DNM3: variants seen among roughly 807,000 people sequenced by gnomAD.
DNM3 encodes the protein dynamin 3, also known as dynamin-3.
In DNM3, 47 loss-of-function variants were observed where a neutral mutation model predicts 101.6. That is an observed-to-expected ratio of 0.46 (90% CI 0.37 to 0.59). The LOEUF is 0.59. Ranked by LOEUF, DNM3 falls within the 20% of genes least tolerant of loss-of-function variation. The pLI is 0.00. For synonymous variants in DNM3, 385 were observed against 387.9 expected (o/e 0.99, Z 0.09); for missense variants, 849 against 1,085.7 (o/e 0.78, Z 3.06).
At chr1:172,368,204 C>T (rs1029444822) in intron 17 of DNM3, among the ~76,000 whole-genome samples, 1 of 151,810 alleles carries the variant, frequency 6.6e-6, no homozygotes, top group Non-Finnish European at 1.5e-5. Flanking sequence ...AACATGCCCC[C>T]GGATAGATCA....
At chr1:172,036,354 C>T (rs547413830) in intron 6 of DNM3, among the ~76,000 whole-genome samples, 16 of 151,904 alleles carry the variant, frequency 1.1e-4, no homozygotes, top group African/African-American at 3.9e-4. Context: ...TTTATGGCTG[C>T]ATAGTATTCC....
chr1:172,089,548 TTTG>T (rs1428101705), intron 12 of DNM3, among the ~76,000 whole-genome samples: 3 of 152,220 alleles, frequency 2.0e-5, no homozygotes, highest in South Asian at 2.1e-4. Flanking sequence ...GGCAGCTTTT[TTTG>T]TTGTTGTTGC....
chr1:172,025,492 C>T (rs1432937326), intron 4 of DNM3, among the ~76,000 whole-genome samples: 2 of 152,174 alleles, frequency 1.3e-5, no homozygotes, highest in South Asian at 2.1e-4. Flanking sequence ...CCCTGACCAC[C>T]GTGCCTCCTG....
intron 20 of DNM3, among the ~76,000 whole-genome samples, chr1:172,389,413 A>T (rs2069393101): frequency 6.6e-6 from 1 of 151,580 alleles, no homozygotes; most frequent in South Asian, 2.1e-4. Flanking sequence ...GTACATCTGA[A>T]TAATACGTGT....
At chr1:172,215,960 T>TAA (rs35363776) in intron 14 of DNM3, among the ~76,000 whole-genome samples, 10 of 136,902 alleles carry the variant, frequency 7.3e-5, no homozygotes, top group African/African-American at 2.7e-4. Context: ...ACACTCTCTT[T>TAA]AAAAAAAAAA....
intron 14 of DNM3, chr1:172,131,838 TG>T: frequency 2.6e-6 from 1 of 380,476 alleles, no homozygotes. Context: ...GCATGAATTA[TG>T]GTAATTATAG....
At chr1:172,261,065 G>T (rs2062623975) in intron 15 of DNM3, among the ~76,000 whole-genome samples, 1 of 152,038 alleles carries the variant, frequency 6.6e-6, no homozygotes, top group South Asian at 2.1e-4. Context: ...TCCCAACTCA[G>T]CCTCCTGTGT....
intron 14 of DNM3, among the ~76,000 whole-genome samples, chr1:172,142,410 T>C (rs2057632640): frequency 6.6e-6 from 1 of 152,120 alleles, no homozygotes; most frequent in Non-Finnish European, 1.5e-5. Context: ...TTAGCCCATA[T>C]AATTGAAAAA....
chr1:171,979,133 C>CA (rs1342325326), intron 2 of DNM3, among the ~76,000 whole-genome samples: 1 of 152,018 alleles, frequency 6.6e-6, no homozygotes, highest in African/African-American at 2.4e-5. Context: ...GGAGAAAGAG[C>CA]AATCAGTGAA....
At position 172,092,828 on chromosome 1, in the gene DNM3, C is replaced by G; in HGVS notation, c.1498C>G (p.Gln500Glu). 1 of 1,557,476 alleles carries G rather than the reference C, an allele frequency of 6.4e-7. No individual in the cohort carries two copies. The highest frequency in any genetic ancestry group is 8.7e-7 in the Non-Finnish European group (1 of 1,149,678). Residue 500 changes from glutamine (Q) to glutamate (E), a missense_variant, in exon 13 of 21, where the codon CAG becomes GAG. Gln to Glu is a conservative substitution (Grantham distance 29). Transcript: ENST00000627582. ...HEDFIGFANAQQRSSQVHKKT... is the reference protein window; with the variant it reads ...HEDFIGFANAEQRSSQVHKKT... ...GCTTTCCTTTGCTTTTCTCAGTGCT[C>G]AGCAGAGGAGCAGTCAGGTTCACAA... is the stretch of plus-strand genomic sequence containing the variant.
At chr1:172,056,196 C>T (rs868308048) in intron 10 of DNM3, among the ~76,000 whole-genome samples, 3 of 152,330 alleles carry the variant, frequency 2.0e-5, no homozygotes, top group South Asian at 4.1e-4. Flanking sequence ...GGTCCTACGC[C>T]CACGGAATCT....
At chr1:172,261,005 C>T (rs1379179309) in intron 15 of DNM3, among the ~76,000 whole-genome samples, 1 of 151,832 alleles carries the variant, frequency 6.6e-6, no homozygotes, top group Admixed American at 6.6e-5. Context: ...CCCATGCTGG[C>T]GTGCAGTGAT....
intron 14 of DNM3, among the ~76,000 whole-genome samples, chr1:172,247,435 T>C (rs1190109805): frequency 6.6e-6 from 1 of 152,188 alleles, no homozygotes; most frequent in Non-Finnish European, 1.5e-5. Flanking sequence ...TAGAATATTC[T>C]GTTAGTCTGT....
chr1:172,100,880 C>T (rs1447764559), intron 13 of DNM3, among the ~76,000 whole-genome samples: 1 of 152,136 alleles, frequency 6.6e-6, no homozygotes, highest in Non-Finnish European at 1.5e-5. Context: ...AGGGAATTGT[C>T]TTCTTACTTT....
intron 13 of DNM3, among the ~76,000 whole-genome samples, chr1:172,106,664 AATGGGC>A (rs1456976786): frequency 3.3e-5 from 5 of 152,196 alleles, no homozygotes; most frequent in African/African-American, 1.2e-4. Context: ...CTCCATCAAA[AATGGGC>A]ATTGAATTTC....
chr1:172,168,028 A>G (rs1333895952), intron 14 of DNM3, among the ~76,000 whole-genome samples: 6 of 151,960 alleles, frequency 3.9e-5, no homozygotes, highest in Non-Finnish European at 2.9e-5. Flanking sequence ...TGAACATACC[A>G]TCTCCGGGAG....
intron 15 of DNM3, among the ~76,000 whole-genome samples, chr1:172,298,859 A>G (rs1049664861): frequency 3.2e-4 from 47 of 148,908 alleles, no homozygotes; most frequent in Non-Finnish European, 5.8e-4. Context: ...GAAAGAAAGA[A>G]AGAGAGAGAG....
At chr1:172,201,535 C>T (rs1303137391) in intron 14 of DNM3, among the ~76,000 whole-genome samples, 1 of 152,168 alleles carries the variant, frequency 6.6e-6, no homozygotes, top group Non-Finnish European at 1.5e-5. Flanking sequence ...GCTATGGGCC[C>T]AAGCCAGGGG....
At chr1:172,377,097 T>C (rs559442423) in intron 17 of DNM3, among the ~76,000 whole-genome samples, 2 of 152,208 alleles carry the variant, frequency 1.3e-5, no homozygotes, top group African/African-American at 4.8e-5. Flanking sequence ...TTATTTTTTA[T>C]AACTATCAGT....
Sources: allele counts gnomAD v4.1 joint callset (sites outside exome capture counted in the v4.1 genomes callset), GRCh38; gene constraint gnomAD v4.1.1; transcripts MANE v1.5; gene names NCBI Gene and HGNC (gene_info 2026-07-23, HGNC 2026-07-21).